UBR1: variants seen among roughly 807,000 people sequenced by gnomAD.
UBR1 encodes the protein E3 ubiquitin-protein ligase UBR1.
Under a neutral mutation model 242.1 loss-of-function variants are expected in UBR1, and 102 were observed. The observed-to-expected ratio is 0.42, with a 90% CI of 0.36 to 0.50. The LOEUF (loss-of-function observed/expected upper bound fraction) is 0.50. UBR1 is among the 20% of genes least tolerant of loss of function. The probability of loss-of-function intolerance (pLI) is 0.01; values close to 1 mark genes in which losing one functional copy is unlikely to be tolerated. For missense variants in UBR1, 1,772 were observed against 2,101.8 expected (o/e 0.84, Z 3.07); for synonymous variants, 675 against 684.8 (o/e 0.99, Z 0.22).
At chr15:42,975,795 C>G (rs1263531286) in intron 39 of UBR1, among the ~76,000 whole-genome samples, 1 of 151,964 alleles carries the variant, frequency 6.6e-6, no homozygotes, top group East Asian at 1.9e-4. Flanking sequence ...CACTCTGCAG[C>G]CTCAAACTCC....
At chr15:43,035,149 AAT>A (rs2033316030) in intron 19 of UBR1, among the ~76,000 whole-genome samples, 1 of 152,188 alleles carries the variant, frequency 6.6e-6, no homozygotes, top group South Asian at 2.1e-4. Context: ...AACTTTTCAC[AAT>A]ATGTTGTTAA....
chr15:42,989,566 G>A (rs1025067527), intron 34 of UBR1, among the ~76,000 whole-genome samples: 2 of 152,094 alleles, frequency 1.3e-5, no homozygotes, highest in African/African-American at 4.8e-5. Context: ...TCTGATTTGG[G>A]TACATTACAT....
At chr15:43,028,252 T>C (rs1007724206) in intron 21 of UBR1, among the ~76,000 whole-genome samples, 2 of 152,206 alleles carry the variant, frequency 1.3e-5, no homozygotes, top group African/African-American at 4.8e-5. Context: ...AGTTAATCTA[T>C]AGCAATACAT....
intron 34 of UBR1, among the ~76,000 whole-genome samples, chr15:42,989,503 G>A (rs896073803): frequency 2.0e-4 from 30 of 152,068 alleles, no homozygotes; most frequent in Non-Finnish European, 4.4e-5. Flanking sequence ...GATAAACAAG[G>A]ATCACAACTA....
chr15:43,039,821 T>C (rs1412064002), intron 15 of UBR1, among the ~76,000 whole-genome samples: 1 of 152,174 alleles, frequency 6.6e-6, no homozygotes, highest in Non-Finnish European at 1.5e-5. Flanking sequence ...GGGTTTGTCA[T>C]AAATAGCTCT....
chr15:43,071,573 A>C (rs2033826004), intron 4 of UBR1, among the ~76,000 whole-genome samples: 1 of 152,182 alleles, frequency 6.6e-6, no homozygotes, highest in Non-Finnish European at 1.5e-5. Flanking sequence ...CTATATCTAC[A>C]CTACTGAACT....
chr15:42,967,614 CT>C (rs1464864574), intron 40 of UBR1, among the ~76,000 whole-genome samples: 1 of 151,898 alleles, frequency 6.6e-6, no homozygotes, highest in African/African-American at 2.4e-5. Context: ...AAACTATGAA[CT>C]TGAGTTAATC....
At position 43,070,815 on chromosome 15, in the gene UBR1, C is replaced by T. The variant is rs565084288; in HGVS notation, c.639G>A (p.Leu213=). Residue 213 remains leucine (L), a synonymous_variant, in exon 5 of 47, where the codon CTG becomes CTA. Coordinates refer to ENST00000290650, the MANE Select transcript of UBR1 (RefSeq NM_174916.3). The part of the protein sequence containing the change: ...EMTIWEEEKE[L]PPELQIREKN... ...CCCACCTTATCTGGAGTTCAGGAGG[C>T]AGTTCTTTTTCCTCTTCCCATATAG... 2 of 1,613,578 alleles carry T rather than the reference C, an allele frequency of 1.2e-6. No individual in the cohort carries two copies. The highest frequency in any genetic ancestry group is 1.1e-5 in the South Asian group (1 of 91,074).
intron 23 of UBR1, chr15:43,026,261 ACAAAACAAAAAC>A: frequency 3.5e-6 from 1 of 283,708 alleles, no homozygotes. Context: ...AAAAAACAAA[ACAAAACAAAAAC>A]TAAAGAAACA....
At position 43,054,747 on chromosome 15, in the gene UBR1, G is replaced by C. The variant is rs144700609; in HGVS notation, c.1434C>G (p.Asp478Glu). Residue 478 changes from aspartate (D) to glutamate (E), a missense_variant, in exon 12 of 47, where the codon GAC (aspartate) becomes GAG (glutamate). Physicochemically the swap from Asp to Glu is conservative, Grantham distance 45. Transcript: ENST00000290650. ...KLGRVYAVIC[D>E]LKYILISKPT... ...TTTTGACTTGAACAACTTACTTTAG[G>C]TCACATATTACTGCATATACTCTTC... is the stretch of plus-strand genomic sequence containing the variant. 6.2e-7 allele frequency: 1 copy of C among 1,613,946 alleles called. No homozygotes were observed.
chr15:42,995,647 G>A (rs186524330), intron 33 of UBR1, among the ~76,000 whole-genome samples: 4 of 152,002 alleles, frequency 2.6e-5, no homozygotes, highest in East Asian at 1.9e-4. Context: ...CAGCCTGGGC[G>A]ACAGAGCGAG....
At chr15:42,956,093 T>C (rs531534553) in intron 44 of UBR1, among the ~76,000 whole-genome samples, 4 of 152,294 alleles carry the variant, frequency 2.6e-5, no homozygotes, top group African/African-American at 9.6e-5. Context: ...CAAAAAAGCC[T>C]AAGCGGGTGT....
chr15:43,050,154 G>A (rs2033536647), intron 12 of UBR1, among the ~76,000 whole-genome samples: 1 of 151,994 alleles, frequency 6.6e-6, no homozygotes, highest in Admixed American at 6.5e-5. Context: ...TCACTATGTT[G>A]CCCAGGCTGG....
chr15:43,091,708 G>C (rs2034107257), intron 1 of UBR1, among the ~76,000 whole-genome samples: 1 of 151,748 alleles, frequency 6.6e-6, no homozygotes, highest in African/African-American at 2.4e-5. Context: ...GAGGTGGGTG[G>C]ATCACTTGAG....
At chr15:43,029,702 C>T (rs1358466700) in intron 21 of UBR1, among the ~76,000 whole-genome samples, 1 of 152,114 alleles carries the variant, frequency 6.6e-6, no homozygotes, top group African/African-American at 2.4e-5. Context: ...TTCAGAAGTT[C>T]CCTTTCAAGA....
chr15:43,043,933 G>A (rs1555447482), intron 14 of UBR1, among the ~76,000 whole-genome samples: 1 of 151,566 alleles, frequency 6.6e-6, no homozygotes, highest in Non-Finnish European at 1.5e-5. Context: ...TAAGAGGGGG[G>A]AAAAAAAAGA....
chr15:43,007,077 ACCT>A lies in UBR1; in HGVS notation c.3414_3415+1del. ...AAAGGATATTTATTAAATAATACAT[ACCT>A]CCTGAGAGTTCTATGGGTTTTCCCC... On this transcript the variant is annotated splice_donor_variant and coding_sequence_variant, in exon 30 of 47. Coordinates refer to ENST00000290650, the MANE Select transcript of UBR1 (RefSeq NM_174916.3). LOFTEE classifies it high-confidence loss of function. 3.1e-6 allele frequency: 5 copies of A among 1,613,880 alleles called. No homozygotes were observed. The highest frequency in any genetic ancestry group is 4.2e-6 in the Non-Finnish European group (5 of 1,179,804).
chr15:43,099,726 G>A (rs2141371933), intron 1 of UBR1, among the ~76,000 whole-genome samples: 1 of 152,208 alleles, frequency 6.6e-6, no homozygotes, highest in Middle Eastern at 3.4e-3. Context: ...ATACAGCTGT[G>A]AACAAGCAAC....
intron 1 of UBR1, among the ~76,000 whole-genome samples, chr15:43,105,418 TGATG>T (rs1440986961): frequency 6.6e-6 from 1 of 152,190 alleles, no homozygotes; most frequent in Non-Finnish European, 1.5e-5. Flanking sequence ...TAGCGACAGA[TGATG>T]GGTTTCTCCA....
Sources: allele counts gnomAD v4.1 joint callset (sites outside exome capture counted in the v4.1 genomes callset), GRCh38; gene constraint gnomAD v4.1.1; transcripts MANE v1.5; gene names NCBI Gene and HGNC (gene_info 2026-07-23, HGNC 2026-07-21).